The following NCOR1 variants were observed in gnomAD, a reference collection of about 807,000 sequenced individuals.
NCOR1 encodes the protein nuclear receptor corepressor 1.
Under a neutral mutation model 288.1 loss-of-function variants are expected in NCOR1, and 63 were observed. That is an observed-to-expected ratio of 0.22 (90% CI 0.18 to 0.27). The LOEUF (loss-of-function observed/expected upper bound fraction) is 0.27. Ranked by LOEUF, NCOR1 falls within the 10% of genes least tolerant of loss-of-function variation. NCOR1 has a pLI of 1.00. For missense variants in NCOR1, 2,397 were observed against 3,019.2 expected (o/e 0.79, Z 4.83); for synonymous variants, 1,007 against 1,065.9 (o/e 0.94, Z 1.08).
intron 3 of NCOR1, among the ~76,000 whole-genome samples, chr17:16,181,215 G>A (rs4054178): frequency 0.06 from 6,387 of 105,978 alleles, 306 homozygotes; most frequent in African/African-American, 0.19. Flanking sequence ...ATATGTATGT[G>A]TGTGTGTGTG....
intron 1 of NCOR1, among the ~76,000 whole-genome samples, chr17:16,209,330 G>C (rs199959468): frequency 1.4e-4 from 21 of 151,986 alleles, no homozygotes; most frequent in African/African-American, 5.1e-4. Flanking sequence ...TCTTCTTAAT[G>C]CAACACAAAA....
chr17:16,144,265 G>A (rs2077541093), intron 10 of NCOR1, among the ~76,000 whole-genome samples: 1 of 152,088 alleles, frequency 6.6e-6, no homozygotes, highest in African/African-American at 2.4e-5. Flanking sequence ...AAGGACTAAA[G>A]GATATTTAGG....
chr17:16,036,114 G>T (rs2056309035), intron 44 of NCOR1, among the ~76,000 whole-genome samples: 1 of 152,218 alleles, frequency 6.6e-6, no homozygotes, highest in Admixed American at 6.5e-5. Context: ...AATAAGACTT[G>T]AAAGTAGAAA....
At chr17:16,092,178 T>A (rs1741073990) in intron 21 of NCOR1, 120 bp from the exon 22 acceptor site, 20 of 1,210,736 alleles carry the variant, frequency 1.7e-5, no homozygotes, top group East Asian at 2.5e-5. Flanking sequence ...TATCATTTTT[T>A]AATCAAAGTT....
intron 40 of NCOR1, among the ~76,000 whole-genome samples, chr17:16,050,004 C>T (rs2059124308): frequency 6.6e-6 from 1 of 151,594 alleles, no homozygotes; most frequent in African/African-American, 2.4e-5. Context: ...GGTCCTCTCA[C>T]TTACATCTCC....
chr17:16,210,577 A>G (rs1458047457), intron 1 of NCOR1, among the ~76,000 whole-genome samples: 1 of 152,148 alleles, frequency 6.6e-6, no homozygotes, highest in East Asian at 1.9e-4. Context: ...AGCAAACTAA[A>G]TAATTCCTGG....
At position 16,064,968 on chromosome 17, in the gene NCOR1, C is replaced by T; in HGVS notation, c.5003G>A (p.Gly1668Glu). 6.2e-7 allele frequency: 1 copy of T among 1,613,786 alleles called. No individual in the cohort carries two copies. The highest frequency in any genetic ancestry group is 8.5e-7 in the Non-Finnish European group (1 of 1,179,774). Residue 1668 changes from glycine (G) to glutamate (E), a missense_variant, in exon 34 of 46, where the codon GGG becomes GAG. This residue lies in a region of NCOR1 where 1,872 missense variants were observed against 2,187.8 expected (regional missense o/e 0.86). Transcript: ENST00000268712. The part of the protein sequence containing the change: ...MPPTILVPHP[G>E]GTSTPPMDRI... The stretch of plus-strand genomic sequence containing the variant: ...GTCCATGGGAGGAGTGCTTGTTCCC[C>T]CTGGATGAGGCACTAAAATTGTTGG...
chr17:16,214,226 C>A (rs2092373589), intron 1 of NCOR1, among the ~76,000 whole-genome samples: 1 of 152,150 alleles, frequency 6.6e-6, no homozygotes, highest in South Asian at 2.1e-4. Flanking sequence ...AAAGGTACAT[C>A]AAAACATTTT....
chr17:16,034,776 G>C lies in NCOR1; in HGVS notation c.7124C>G (p.Pro2375Arg). 6.2e-7 allele frequency: 1 copy of C among 1,612,376 alleles called. No homozygotes were observed. The highest frequency in any genetic ancestry group is 8.5e-7 in the Non-Finnish European group (1 of 1,179,186). The change falls in exon 45 of 46, where the codon CCC (proline) becomes CGC (arginine). Residue 2375 changes from proline (P) to arginine (R), a missense_variant. Around this residue, in one of 11 missense-constraint regions of NCOR1, gnomAD observed 1,872 missense variants for 2,187.8 expected, o/e 0.86. Transcript: ENST00000268712. ...QTPGWAWEDRPSSTGSTQFPY... is the reference protein window; with the variant it reads ...QTPGWAWEDRRSSTGSTQFPY... The stretch of plus-strand genomic sequence containing the variant: ...AGCAGAATCCTTACCTGTTGAAGAG[G>C]GCCTGTCTTCCCAGGCCCACCCTGG...
At chr17:16,056,306 ATCT>A (rs2059910838) in intron 40 of NCOR1, among the ~76,000 whole-genome samples, 1 of 73,080 alleles carries the variant, frequency 1.4e-5, no homozygotes, top group African/African-American at 5.2e-5. Context: ...CATTCTTTTT[ATCT>A]TTTTTTTTTT....
At chr17:16,161,131 T>A (rs1037793951) in intron 5 of NCOR1, among the ~76,000 whole-genome samples, 1 of 152,134 alleles carries the variant, frequency 6.6e-6, no homozygotes, top group South Asian at 2.1e-4. Flanking sequence ...TCTTTTAGAA[T>A]CCTTGTTAAG....
chr17:16,086,933 G>A (rs1404352754), intron 22 of NCOR1, among the ~76,000 whole-genome samples: 3 of 152,142 alleles, frequency 2.0e-5, no homozygotes, highest in African/African-American at 7.2e-5. Flanking sequence ...ACAAATTCAT[G>A]TACTCTTCTT....
In NCOR1 at chr17:16,209,044, T is replaced by C. The variant is rs141147783; in HGVS notation, c.-71+6318A>G. Among the ~76,000 whole-genome samples the C allele has an allele frequency of 4.2e-3, 636 of 152,210 alleles. 7 individuals are homozygous for C. Among genetic ancestry groups the C allele is most frequent in the African/African-American group, 0.015 (606 of 41,524 alleles). On this transcript the variant is annotated intron_variant, in intron 1 of 45. Transcript: ENST00000268712. ...ATGAGCTAGGCACAGGGTGTTATTC[T>C]GGGAGTGGGAAAAGAAGAAAAAATT...
chr17:16,168,963 C>CA (rs764946023), intron 4 of NCOR1, among the ~76,000 whole-genome samples: 8,761 of 81,374 alleles, frequency 0.11, 369 homozygotes, highest in African/African-American at 0.21. Context: ...GACTCCGTCT[C>CA]AAAAAAAAAA....
rs375446764 is a variant in NCOR1, at chr17:16,143,578, T to G, written c.1173+28A>C. ...TTAAAATGCTTTAATAATTAACGAA[T>G]TAACTTGAATTAAATTTATTTTCTT... On this transcript the variant is annotated intron_variant, in intron 11 of 45. Coordinates refer to ENST00000268712, the MANE Select transcript of NCOR1 (RefSeq NM_006311.4). 4.5e-6 allele frequency: 7 copies of G among 1,555,186 alleles called. No individual in the cohort carries two copies. The South Asian group carries it at 7.9e-5, about 17-fold the overall frequency.
chr17:16,131,177 G>GA (rs748081812), intron 14 of NCOR1, among the ~76,000 whole-genome samples: 53 of 150,980 alleles, frequency 3.5e-4, no homozygotes, highest in Non-Finnish European at 6.3e-4. Context: ...TTTTTTTGTA[G>GA]AAAATCAAAT....
chr17:16,040,679 G>C, intron 42 of NCOR1, 185 bp from the exon 43 acceptor site: 1 of 623,210 alleles, frequency 1.6e-6, no homozygotes, highest in Non-Finnish European at 2.9e-6. Context: ...GTCTCACTCT[G>C]TTGCCCAGGC....
At chr17:16,077,515 GA>G (rs1251724331) in intron 26 of NCOR1, among the ~76,000 whole-genome samples, 1 of 30,448 alleles carries the variant, frequency 3.3e-5, no homozygotes, top group African/African-American at 1.4e-4. Context: ...GAGGAGAGGG[GA>G]GGGGGGGAGG....
intron 22 of NCOR1, among the ~76,000 whole-genome samples, chr17:16,091,004 A>C (rs893891862): frequency 1.3e-5 from 2 of 152,230 alleles, no homozygotes; most frequent in Admixed American, 1.3e-4. Context: ...TCTTAACCAG[A>C]AACATGTGCC....
Sources: allele counts gnomAD v4.1 joint callset (sites outside exome capture counted in the v4.1 genomes callset), GRCh38; gene constraint gnomAD v4.1.1; regional missense constraint gnomAD v4.1.1; transcripts MANE v1.5; gene names NCBI Gene and HGNC (gene_info 2026-07-23, HGNC 2026-07-21).